The following CCSER1 variants were observed in gnomAD, a reference collection of about 807,000 sequenced individuals.
The protein encoded by CCSER1 is serine-rich coiled-coil domain-containing protein 1.
In CCSER1, 41 loss-of-function variants were observed where a neutral mutation model predicts 82.0. The ratio of observed to expected loss-of-function variants is 0.50; its 90% confidence interval spans 0.39 to 0.65. The LOEUF is 0.65. Ranked by LOEUF, CCSER1 falls within the 30% of genes least tolerant of loss-of-function variation. The probability of loss-of-function intolerance (pLI) is 0.00; values close to 1 mark genes in which losing one functional copy is unlikely to be tolerated. For missense variants in CCSER1, 1,119 were observed against 1,064.2 expected, an observed-to-expected ratio of 1.05 and a Z score of -0.72; for synonymous variants, 414 against 383.9, an observed-to-expected ratio of 1.08 and a Z score of -0.92.
At chr4:90,571,371 C>T (rs1394277818) in intron 5 of CCSER1, among the ~76,000 whole-genome samples, 1 of 152,154 alleles carries the variant, frequency 6.6e-6, no homozygotes, top group Non-Finnish European at 1.5e-5. Flanking sequence ...ACATGTGGCA[C>T]AGATACACCA....
chr4:91,504,829 C>T (rs574984039), intron 10 of CCSER1, among the ~76,000 whole-genome samples: 1 of 152,122 alleles, frequency 6.6e-6, no homozygotes, highest in Non-Finnish European at 1.5e-5. Context: ...AAGGAGTGTT[C>T]ACTTGAGTGA....
chr4:91,148,459 T>A (rs1208322779), intron 10 of CCSER1, among the ~76,000 whole-genome samples: 1 of 151,406 alleles, frequency 6.6e-6, no homozygotes, highest in East Asian at 2.0e-4. Context: ...GCTTACTAAG[T>A]ACCAGACATT....
chr4:90,458,027 C>T (rs941925718), intron 4 of CCSER1, among the ~76,000 whole-genome samples: 7 of 152,164 alleles, frequency 4.6e-5, no homozygotes, highest in African/African-American at 1.7e-4. Context: ...ATGGCCGTGC[C>T]CAGGCTTTGT....
intron 8 of CCSER1, among the ~76,000 whole-genome samples, chr4:90,852,206 C>A (rs1161250992): frequency 2.0e-5 from 3 of 152,158 alleles, no homozygotes; most frequent in Non-Finnish European, 4.4e-5. Flanking sequence ...AGCCCACTCA[C>A]CCTAAAGCTG....
chr4:91,177,901 T>C (rs1733572762), intron 10 of CCSER1, among the ~76,000 whole-genome samples: 1 of 152,226 alleles, frequency 6.6e-6, no homozygotes, highest in South Asian at 2.1e-4. Flanking sequence ...AATTGTGATG[T>C]TAGGGTGTCA....
At chr4:91,305,752 G>C (rs140657786) in intron 10 of CCSER1, among the ~76,000 whole-genome samples, 2,030 of 151,524 alleles carry the variant, frequency 0.013, 36 homozygotes, top group African/African-American at 0.047. Context: ...AAGAAAAAGA[G>C]GTTCAATGGA....
In CCSER1 at chr4:91,083,065, A is replaced by G. The variant is rs139488683; in HGVS notation, c.2173-2885A>G. 7.7e-3 allele frequency among the ~76,000 whole-genome samples: 1,179 copies of G among 152,322 alleles called. 11 individuals carry two copies. Among genetic ancestry groups the G allele is most frequent in the African/African-American group, 0.026 (1,091 of 41,576 alleles). On this transcript the variant is annotated intron_variant, in intron 9 of 10. Coordinates refer to ENST00000509176, the MANE Select transcript of CCSER1 (RefSeq NM_001145065.2). ...ACCCAGCCATCCCATTACTGGGCAT[A>G]TACTCAAAATATTATAAATCATGCT...
At chr4:91,528,061 C>T (rs1405368623) in intron 10 of CCSER1, among the ~76,000 whole-genome samples, 4 of 151,980 alleles carry the variant, frequency 2.6e-5, no homozygotes, top group Non-Finnish European at 5.9e-5. Flanking sequence ...ATTACAGGCA[C>T]AGGCTACCAC....
At chr4:90,344,912 G>T (rs952889091) in intron 3 of CCSER1, among the ~76,000 whole-genome samples, 1 of 151,938 alleles carries the variant, frequency 6.6e-6, no homozygotes, top group African/African-American at 2.4e-5. Flanking sequence ...CTACTTTCTC[G>T]TTGTGTATAA....
intron 9 of CCSER1, among the ~76,000 whole-genome samples, chr4:91,063,441 T>TG (rs1561514592): frequency 6.6e-6 from 1 of 152,172 alleles, no homozygotes. Context: ...AAATTTGGGA[T>TG]GAAAAATAAA....
intron 3 of CCSER1, among the ~76,000 whole-genome samples, chr4:90,369,019 C>T (rs1339961956): frequency 6.6e-6 from 1 of 151,448 alleles, no homozygotes; most frequent in Non-Finnish European, 1.5e-5. Context: ...CAATTGAATG[C>T]CAAAGAAATA....
At chr4:90,428,375 A>G (rs967957072) in intron 4 of CCSER1, among the ~76,000 whole-genome samples, 1 of 151,868 alleles carries the variant, frequency 6.6e-6, no homozygotes, top group Non-Finnish European at 1.5e-5. Context: ...CCAAACCCCC[A>G]TGCAGCTAGA....
intron 9 of CCSER1, among the ~76,000 whole-genome samples, chr4:91,079,223 C>A (rs528911787): frequency 6.6e-6 from 1 of 152,288 alleles, no homozygotes; most frequent in East Asian, 1.9e-4. Flanking sequence ...AACAGCAGAT[C>A]TCTCAGCAGA....
At chr4:91,414,113 G>A (rs1753218805) in intron 10 of CCSER1, among the ~76,000 whole-genome samples, 1 of 152,118 alleles carries the variant, frequency 6.6e-6, no homozygotes, top group Admixed American at 6.6e-5. Flanking sequence ...AAAACTCACT[G>A]CTAAAGGTAA....
intron 9 of CCSER1, among the ~76,000 whole-genome samples, chr4:90,949,755 A>T (rs143058603): frequency 4.0e-5 from 6 of 150,422 alleles, no homozygotes; most frequent in African/African-American, 1.4e-4. Flanking sequence ...CATCTCATTT[A>T]ATAGCCATAA....
At chr4:90,470,531 A>C (rs1328019832) in intron 5 of CCSER1, among the ~76,000 whole-genome samples, 2 of 152,192 alleles carry the variant, frequency 1.3e-5, no homozygotes, top group Admixed American at 1.3e-4. Flanking sequence ...TAATTTATAA[A>C]GTACAAAGGT....
At chr4:91,211,470 T>C (rs973871209) in intron 10 of CCSER1, among the ~76,000 whole-genome samples, 7 of 152,086 alleles carry the variant, frequency 4.6e-5, no homozygotes, top group Non-Finnish European at 1.0e-4. Flanking sequence ...CTTAATGGCA[T>C]GATAATACTG....
At chr4:90,976,160 A>G (rs1364206509) in intron 9 of CCSER1, among the ~76,000 whole-genome samples, 1 of 151,332 alleles carries the variant, frequency 6.6e-6, no homozygotes, top group East Asian at 1.9e-4. Flanking sequence ...ACTATTTGCC[A>G]CAGATTTTGA....
At chr4:91,043,433 T>G (rs1025664405) in intron 9 of CCSER1, among the ~76,000 whole-genome samples, 7 of 152,080 alleles carry the variant, frequency 4.6e-5, no homozygotes, top group Non-Finnish European at 1.0e-4. Flanking sequence ...GAATTGACAG[T>G]GTTCAGATTG....
Sources: allele counts gnomAD v4.1 joint callset (sites outside exome capture counted in the v4.1 genomes callset), GRCh38; gene constraint gnomAD v4.1.1; transcripts MANE v1.5; gene names NCBI Gene and HGNC (gene_info 2026-07-23, HGNC 2026-07-21).